The following RAPGEF2 variants were observed in gnomAD, a reference collection of about 807,000 sequenced individuals.
RAPGEF2 encodes the protein Rap guanine nucleotide exchange factor 2.
RAPGEF2 carries 54 observed loss-of-function variants against 186.7 expected under a neutral mutation model. The observed-to-expected ratio is 0.29, with a 90% CI of 0.23 to 0.36. The LOEUF (loss-of-function observed/expected upper bound fraction) is 0.36, where lower values mean the gene tolerates loss of function less well. RAPGEF2 is among the 10% of genes least tolerant of loss of function. The probability of loss-of-function intolerance (pLI) is 1.00; values close to 1 mark genes in which losing one functional copy is unlikely to be tolerated. For missense variants in RAPGEF2, 1,532 were observed against 2,045.0 expected (o/e 0.75, Z 4.84); for synonymous variants, 712 against 705.9 (o/e 1.01, Z -0.14).
At chr4:159,190,376 AGGGATAATGGT>A (rs774310133) in intron 2 of RAPGEF2, among the ~76,000 whole-genome samples, 2 of 152,166 alleles carry the variant, frequency 1.3e-5, no homozygotes, top group Non-Finnish European at 2.9e-5. Context: ...GGTCTTGGTA[AGGGATAATGGT>A]GGGATAATGA....
chr4:159,236,401 C>T (rs1050113425), intron 4 of RAPGEF2, among the ~76,000 whole-genome samples: 9 of 152,232 alleles, frequency 5.9e-5, no homozygotes, highest in African/African-American at 1.9e-4. Context: ...AGAGGATTTA[C>T]GCCTTAAATC....
At chr4:159,220,340 C>A (rs1273603742) in intron 4 of RAPGEF2, among the ~76,000 whole-genome samples, 1 of 146,994 alleles carries the variant, frequency 6.8e-6, no homozygotes, top group African/African-American at 2.5e-5. Context: ...GAGGTACTTG[C>A]AGAAGTGGAT....
At chr4:159,144,863 T>C (rs73860448) in intron 1 of RAPGEF2, among the ~76,000 whole-genome samples, 6,300 of 146,226 alleles carry the variant, frequency 0.043, 486 homozygotes, top group African/African-American at 0.15. Flanking sequence ...GCTTCTTAAT[T>C]TTTTTCTTTC....
chr4:159,218,254 T>C (rs953226506), intron 4 of RAPGEF2, among the ~76,000 whole-genome samples: 5 of 152,148 alleles, frequency 3.3e-5, no homozygotes, highest in Admixed American at 6.5e-5. Context: ...AGATTAAGCA[T>C]GGTAGGAGGG....
intron 9 of RAPGEF2, among the ~76,000 whole-genome samples, chr4:159,322,146 G>C (rs111493176): frequency 5.1e-4 from 78 of 152,290 alleles, no homozygotes; most frequent in East Asian, 2.1e-3. Flanking sequence ...AATTCAACAA[G>C]TAAGAGTCAT....
At chr4:159,307,479 A>G (rs1212181226) in intron 8 of RAPGEF2, among the ~76,000 whole-genome samples, 1 of 152,228 alleles carries the variant, frequency 6.6e-6, no homozygotes, top group East Asian at 1.9e-4. Context: ...AATGAACAGT[A>G]TACATAAAAG....
chr4:159,325,089 A>C (rs1238625446), intron 11 of RAPGEF2, among the ~76,000 whole-genome samples: 3 of 152,178 alleles, frequency 2.0e-5, no homozygotes, highest in Non-Finnish European at 4.4e-5. Flanking sequence ...TTACTTACTA[A>C]AAAGAAAAAT....
chr4:159,342,070 T>C (rs1729543102), intron 20 of RAPGEF2, 123 bp downstream of exon 20: 7 of 993,254 alleles, frequency 7.0e-6, no homozygotes, highest in Non-Finnish European at 8.6e-6. Context: ...TAAGAGACAA[T>C]TCTTTTTCTC....
At chr4:159,166,664 G>A (rs913855483) in intron 1 of RAPGEF2, among the ~76,000 whole-genome samples, 2 of 152,058 alleles carry the variant, frequency 1.3e-5, no homozygotes, top group Non-Finnish European at 2.9e-5. Flanking sequence ...CTGTATGGGA[G>A]CAATACAGTC....
At chr4:159,219,266 TG>T (rs1751275747) in intron 4 of RAPGEF2, among the ~76,000 whole-genome samples, 1 of 151,862 alleles carries the variant, frequency 6.6e-6, no homozygotes, top group Admixed American at 6.6e-5. Flanking sequence ...TTATCAAGAA[TG>T]GGCGGTATAT....
At position 159,230,028 on chromosome 4, in the gene RAPGEF2, A is replaced by G. The variant is rs1752461275; in HGVS notation, c.282-8781A>G. 2.0e-5 allele frequency among the ~76,000 whole-genome samples: 3 copies of G among 152,178 alleles called. No homozygotes were observed. In the South Asian group the frequency reaches 6.2e-4, roughly 32 times the overall value. The stretch of plus-strand genomic sequence containing the variant: ...TTAAGGACATGCTGAAATTACGTTG[A>G]GATTGAATTGTTGAAAGGCAAGGTG... On this transcript the variant is annotated intron_variant, in intron 4 of 29. Coordinates refer to ENST00000691494, the MANE Select transcript of RAPGEF2 (RefSeq NM_001394067.2).
At chr4:159,205,038 A>C (rs1042003747) in intron 3 of RAPGEF2, among the ~76,000 whole-genome samples, 3 of 152,216 alleles carry the variant, frequency 2.0e-5, no homozygotes, top group Non-Finnish European at 4.4e-5. Context: ...GAAAAATTAA[A>C]ATAGCACTGA....
rs1486340684 is a variant in RAPGEF2 at position 159,339,257 on chromosome 4, C to T, written c.2437C>T (p.Leu813=). 1 of 1,614,138 alleles carries T rather than the reference C, an allele frequency of 6.2e-7. No individual in the cohort carries two copies. Among genetic ancestry groups the T allele is most frequent in the African/African-American group, 1.3e-5 (1 of 75,042 alleles). Residue 813 remains leucine (L), a synonymous_variant, in exon 19 of 30, where the codon CTA becomes TTA. Coordinates refer to ENST00000691494, the MANE Select transcript of RAPGEF2 (RefSeq NM_001394067.2). The part of the protein sequence containing the change: ...AVTATPDQYS[L]CEVSVTPEGV... ...TACTGCCACCCCGGATCAATATTCA[C>T]TATGTGAGGTCTCTGTCACACCTGA...
chr4:159,224,261 G>A (rs185805760), intron 4 of RAPGEF2, among the ~76,000 whole-genome samples: 1 of 152,274 alleles, frequency 6.6e-6, no homozygotes, highest in Admixed American at 6.5e-5. Flanking sequence ...AAGCATCATT[G>A]TGGCTGAAAC....
In RAPGEF2 at chr4:159,358,177, AAGG is replaced by A; in HGVS notation, c.*41_*43del. ...TCTGGAAGCAGAGCGAGCCACCTGA[AAGG>A]AGAGCACAAGAAGACGTCCTGAGCA... is the stretch of plus-strand genomic sequence containing the variant. On this transcript the variant is annotated 3_prime_UTR_variant, in exon 30 of 30. Transcript: ENST00000691494. 1.9e-6 allele frequency: 3 copies of A among 1,601,892 alleles called. No homozygotes were observed. The highest frequency in any genetic ancestry group is 1.1e-5 in the South Asian group (1 of 89,488).
chr4:159,157,731 T>G (rs56292624), intron 1 of RAPGEF2, among the ~76,000 whole-genome samples: 51,582 of 152,160 alleles, frequency 0.34, 10,539 homozygotes, highest in East Asian at 0.6. Context: ...TTTTCCTTGT[T>G]AATCATAATG....
intron 1 of RAPGEF2, among the ~76,000 whole-genome samples, chr4:159,180,856 G>T (rs1158169633): frequency 6.6e-6 from 1 of 152,066 alleles, no homozygotes; most frequent in Non-Finnish European, 1.5e-5. Context: ...TATGATACAG[G>T]CTCAGTAACA....
Position 159,208,984 on chromosome 4 carries a change from G to A in RAPGEF2, c.198-1516G>A, listed in dbSNP as rs190651072. 2.2e-3 allele frequency among the ~76,000 whole-genome samples: 332 copies of A among 151,922 alleles called. 1 individual carries two copies. Among genetic ancestry groups the A allele is most frequent in the African/African-American group, 7.4e-3 (306 of 41,396 alleles). Reference sequence around the variant, plus strand: ...CAGCTCACTACAACCTCCGCCTCCCGGGTTCAAGCGATTCTCCTGCCTCAG... The same window carrying A: ...CAGCTCACTACAACCTCCGCCTCCCAGGTTCAAGCGATTCTCCTGCCTCAG... On this transcript the variant is annotated intron_variant, in intron 3 of 29. Transcript: ENST00000691494.
chr4:159,120,583 T>G (rs1422341336), intron 1 of RAPGEF2, among the ~76,000 whole-genome samples: 1 of 152,210 alleles, frequency 6.6e-6, no homozygotes, highest in Non-Finnish European at 1.5e-5. Flanking sequence ...TCTTAATGTT[T>G]TGTAGTGGGA....
Sources: gnomAD v4.1 joint callset for allele counts (sites outside exome capture counted in the v4.1 genomes callset) on GRCh38, gnomAD v4.1.1 for gene constraint, MANE v1.5 for transcripts, NCBI Gene and HGNC (gene_info 2026-07-23, HGNC 2026-07-21) for gene names.